Variants in VPS29 observed in about 807,000 individuals in gnomAD.
The protein encoded by VPS29 is vacuolar protein sorting-associated protein 29.
VPS29 carries 2 observed loss-of-function variants against 20.0 expected under a neutral mutation model. That is an observed-to-expected ratio of 0.10 (90% CI 0.04 to 0.31). VPS29 has a LOEUF of 0.31. Among genes scored for constraint, VPS29 ranks in the 10% least tolerant of loss-of-function variants. VPS29 has a pLI of 1.00. For synonymous variants in VPS29, 81 were observed against 79.3 expected, an observed-to-expected ratio of 1.02 and a Z score of -0.12; for missense variants, 120 against 215.3, an observed-to-expected ratio of 0.56 and a Z score of 2.77.
intron 2 of VPS29, among the ~76,000 whole-genome samples, chr12:110,495,582 C>T (rs1163209064): frequency 6.6e-6 from 1 of 151,984 alleles, no homozygotes; most frequent in Non-Finnish European, 1.5e-5. Flanking sequence ...ATGGTGTGTG[C>T]CTGTAGTCTC....
intron 3 of VPS29, among the ~76,000 whole-genome samples, chr12:110,492,599 TTTTATTTA>T (rs58647450): frequency 0.24 from 31,660 of 132,106 alleles, 4,367 homozygotes; most frequent in South Asian, 0.46. Context: ...TTTATTTTTA[TTTTATTTA>T]TTTATTTATT....
chr12:110,492,876 T>C, intron 3 of VPS29, 120 bp downstream of exon 3: 1 of 876,208 alleles, frequency 1.1e-6, no homozygotes, highest in Non-Finnish European at 1.7e-6. Context: ...TGCCCTGGTC[T>C]CCCGAAGTGC....
chr12:110,497,214 T>C (rs2062921884), intron 1 of VPS29, among the ~76,000 whole-genome samples: 1 of 123,076 alleles, frequency 8.1e-6, no homozygotes, highest in African/African-American at 3.5e-5. Flanking sequence ...TTTCTTTTTT[T>C]TTTTTTTTTT....
intron 1 of VPS29, chr12:110,501,582 T>C (rs2135614031): frequency 6.5e-7 from 1 of 1,535,124 alleles, no homozygotes; most frequent in East Asian, 2.4e-5. Context: ...GTTAAACGGG[T>C]ACGAAATTCT....
At chr12:110,499,330 G>C in intron 1 of VPS29, 1 of 566,606 alleles carries the variant, frequency 1.8e-6, no homozygotes, top group Non-Finnish European at 2.8e-6. Context: ...TTGACAAATC[G>C]GGATAGACAT....
chr12:110,501,814 G>A, intron 1 of VPS29: 1 of 1,163,342 alleles, frequency 8.6e-7, no homozygotes, highest in South Asian at 1.3e-5. Flanking sequence ...TTACCCCTTG[G>A]ATGGCCTCTG....
chr12:110,501,185 A>G (rs546523268), intron 1 of VPS29, among the ~76,000 whole-genome samples: 1 of 152,194 alleles, frequency 6.6e-6, no homozygotes, highest in Non-Finnish European at 1.5e-5. Context: ...CTCAAAAAGA[A>G]AGAAAGAAAA....
intron 1 of VPS29, among the ~76,000 whole-genome samples, chr12:110,501,057 T>A (rs2063020561): frequency 6.6e-6 from 1 of 152,026 alleles, no homozygotes; most frequent in Non-Finnish European, 1.5e-5. Flanking sequence ...GGCGGGCGCC[T>A]GTAATCCCAG....
At chr12:110,493,377 T>TG in intron 2 of VPS29, 146 bp from the exon 3 acceptor site, 2 of 497,954 alleles carry the variant, frequency 4.0e-6, no homozygotes, top group Non-Finnish European at 6.4e-6. Context: ...TTTTTTTTTT[T>TG]GAGACAGAGT....
rs1238553939 is a variant in VPS29, at chr12:110,501,709, C to T, written c.3+340G>A. ...ACCGTCTGGAAACGGAGGACCGTGC[C>T]CCTATCCCCGGAACATTCGAGGTAT... is the stretch of plus-strand genomic sequence containing the variant. On this transcript the variant is annotated intron_variant, in intron 1 of 3. Coordinates refer to ENST00000549578, the MANE Select transcript of VPS29 (RefSeq NM_016226.5). The T allele has an allele frequency of 3.0e-6, 4 of 1,317,850 alleles. No individual in the cohort carries two copies. The South Asian group carries it at 5.1e-5, about 17-fold the overall frequency. The allele number at this position is 1,317,850 out of a possible 1,614,324, so 81.6% of individuals were successfully genotyped here.
intron 1 of VPS29, chr12:110,501,558 C>G: frequency 7.8e-6 from 12 of 1,535,414 alleles, no homozygotes; most frequent in Non-Finnish European, 1.0e-5. Context: ...TATTCCCTTT[C>G]CCTAGATGGC....
chr12:110,499,429 G>T, intron 1 of VPS29: 1 of 1,498,532 alleles, frequency 6.7e-7, no homozygotes, highest in Non-Finnish European at 9.0e-7. Flanking sequence ...TCAAAGCATG[G>T]GAATTCGGTT....
At chr12:110,501,821 T>G in intron 1 of VPS29, 1 of 1,197,770 alleles carries the variant, frequency 8.3e-7, no homozygotes, top group Non-Finnish European at 1.2e-6. Flanking sequence ...TTGGATGGCC[T>G]CTGGCCCCTT....
rs372498013 is a variant in VPS29, at chr12:110,501,518, G to A, written c.3+531C>T. On this transcript the variant is annotated intron_variant, in intron 1 of 3. Transcript: ENST00000549578. ...CACCTGCTCATCTCAATGGCAGCTA[G>A]ATGTTATTTCAGGAGCGAGGAGGGT... 2.2e-3 allele frequency: 3,376 copies of A among 1,535,462 alleles called. 18 individuals carry two copies. The highest frequency in any genetic ancestry group is 0.012 in the Middle Eastern group (72 of 5,984).
At chr12:110,499,547 C>CT in intron 1 of VPS29, 1 of 1,610,530 alleles carries the variant, frequency 6.2e-7, no homozygotes, top group South Asian at 1.1e-5. Context: ...TGTGCCCAGC[C>CT]TTAGTGGAAT....
chr12:110,492,889 GTAT>G, intron 3 of VPS29, 104 bp downstream of exon 3: 1 of 1,001,944 alleles, frequency 1.0e-6, no homozygotes. Flanking sequence ...CGAAGTGCTG[GTAT>G]TACAGGCATG....
At chr12:110,494,066 G>A (rs1464808029) in intron 2 of VPS29, among the ~76,000 whole-genome samples, 2 of 151,916 alleles carry the variant, frequency 1.3e-5, no homozygotes, top group East Asian at 3.9e-4. Flanking sequence ...AGGCAAAGAG[G>A]TTGTTTGTCC....
chr12:110,493,301 TTAAA>T (rs2062849021), intron 2 of VPS29, 70 bp from the exon 3 acceptor site: 1 of 1,143,642 alleles, frequency 8.7e-7, no homozygotes, highest in Admixed American at 3.4e-5. Context: ...ATCAGTTTCC[TTAAA>T]TATTCAATCT....
At chr12:110,500,752 ATTTT>A (rs60375403) in intron 1 of VPS29, among the ~76,000 whole-genome samples, 2 of 144,914 alleles carry the variant, frequency 1.4e-5, no homozygotes, top group East Asian at 2.0e-4. Flanking sequence ...CAAACAATTG[ATTTT>A]TTTTTTTTTT....
Sources: allele counts gnomAD v4.1 joint callset (sites outside exome capture counted in the v4.1 genomes callset), GRCh38; gene constraint gnomAD v4.1.1; transcripts MANE v1.5; gene names NCBI Gene and HGNC (gene_info 2026-07-23, HGNC 2026-07-21).